Variants in CYP46A1 observed in about 807,000 individuals in gnomAD.
CYP46A1 encodes the protein cytochrome P450 family 46 subfamily A member 1, also known as cholesterol 24-hydroxylase.
In CYP46A1, 20 loss-of-function variants were observed where a neutral mutation model predicts 63.3. The observed-to-expected ratio is 0.32, with a 90% CI of 0.22 to 0.46. The LOEUF (loss-of-function observed/expected upper bound fraction) is 0.46. Among genes scored for constraint, CYP46A1 ranks in the 20% least tolerant of loss-of-function variants. The pLI is 1.00. For synonymous variants in CYP46A1, 268 were observed against 273.6 expected, an observed-to-expected ratio of 0.98 and a Z score of 0.20; for missense variants, 445 against 670.8, an observed-to-expected ratio of 0.66 and a Z score of 3.72.
chr14:99,701,232 G>C (rs982296372), intron 5 of CYP46A1, among the ~76,000 whole-genome samples: 3 of 152,128 alleles, frequency 2.0e-5, no homozygotes, highest in African/African-American at 7.2e-5. Flanking sequence ...TGTAGCCTGT[G>C]TCTGGTTTTT....
chr14:99,726,436 G>A, intron 14 of CYP46A1, 121 bp from the exon 15 acceptor site: 3 of 1,190,028 alleles, frequency 2.5e-6, no homozygotes, highest in Non-Finnish European at 3.5e-6. Flanking sequence ...CAAAACAGGA[G>A]GCTCCCCAGG....
chr14:99,716,682 T>A (rs544578275), intron 9 of CYP46A1, among the ~76,000 whole-genome samples: 2 of 152,328 alleles, frequency 1.3e-5, no homozygotes, highest in Admixed American at 1.3e-4. Flanking sequence ...CTGGGGCTCC[T>A]CCCCACCACC....
intron 7 of CYP46A1, among the ~76,000 whole-genome samples, chr14:99,714,955 A>G (rs1288472839): frequency 6.6e-6 from 1 of 152,096 alleles, no homozygotes; most frequent in Non-Finnish European, 1.5e-5. Flanking sequence ...AAAAAAGTTG[A>G]TCTCATGGAG....
intron 7 of CYP46A1, among the ~76,000 whole-genome samples, chr14:99,715,035 T>A (rs1014667686): frequency 7.9e-5 from 12 of 152,152 alleles, no homozygotes; most frequent in Non-Finnish European, 1.5e-4. Context: ...AGTTGGTTAA[T>A]GGGTACAAAC....
intron 10 of CYP46A1, 124 bp from the exon 11 acceptor site, chr14:99,721,115 G>A (rs2056842325): frequency 7.0e-6 from 5 of 709,714 alleles, no homozygotes; most frequent in South Asian, 6.5e-5. Context: ...AAGTAACAGT[G>A]TTTGTGAGTG....
At position 99,722,005 on chromosome 14, in the gene CYP46A1, G is replaced by A. The variant is rs766472276; in HGVS notation, c.1115G>A (p.Arg372His). The change falls in exon 12 of 15, where the codon CGC (arginine) becomes CAC (histidine). Residue 372 changes from arginine (R) to histidine (H), a missense_variant. Around this residue, in one of 4 missense-constraint regions of CYP46A1, gnomAD observed 95 missense variants for 156.9 expected, o/e 0.61. Transcript: ENST00000261835. This position sits in a 1 kb window ranked among gnomAD's most constrained non-coding sequence, Gnocchi z 4.6. ...TACCCACCAGCATGGGGCACCTTTC[G>A]CCTGCTGGAAGAGGAGACCTTGATT... The part of the protein sequence containing the change: ...RLYPPAWGTF[R>H]LLEEETLIDG... The A allele has an allele frequency of 1.9e-6, 3 of 1,613,640 alleles. No individual in the cohort carries two copies. The highest frequency in any genetic ancestry group is 2.5e-6 in the Non-Finnish European group (3 of 1,179,860).
intron 3 of CYP46A1, among the ~76,000 whole-genome samples, chr14:99,694,386 T>C (rs1336321680): frequency 1.3e-5 from 2 of 151,112 alleles, no homozygotes; most frequent in Non-Finnish European, 2.9e-5. Flanking sequence ...TTTTTTTTTT[T>C]CTTGATCAGT....
At chr14:99,707,471 C>G (rs1353087063) in intron 6 of CYP46A1, 97 bp from the exon 7 acceptor site, 1 of 905,964 alleles carries the variant, frequency 1.1e-6, no homozygotes, top group African/African-American at 1.7e-5. Context: ...ACCCTTAGCC[C>G]AGAGTCCAGG....
chr14:99,693,982 C>G (rs1305616785), intron 3 of CYP46A1, among the ~76,000 whole-genome samples: 2 of 152,142 alleles, frequency 1.3e-5, no homozygotes, highest in Non-Finnish European at 2.9e-5. Flanking sequence ...CAATAACTCC[C>G]CATTCCCCTC....
chr14:99,721,023 G>GA (rs1238597247), intron 10 of CYP46A1, among the ~76,000 whole-genome samples: 1 of 152,092 alleles, frequency 6.6e-6, no homozygotes, highest in Admixed American at 6.5e-5. Context: ...GGGGAGGGCG[G>GA]AGGTTGCAGT....
intron 5 of CYP46A1, among the ~76,000 whole-genome samples, chr14:99,702,261 CATGGTGTCATCT>C (rs2056638144): frequency 6.6e-6 from 1 of 152,130 alleles, no homozygotes; most frequent in South Asian, 2.1e-4. Flanking sequence ...AAGGCTCATC[CATGGTGTCATCT>C]ATATTAATGC....
rs746721057 is a variant in CYP46A1, at chr14:99,726,890, G to T, written c.*163G>T. On this transcript the variant is annotated 3_prime_UTR_variant, in exon 15 of 15. Coordinates refer to ENST00000261835, the MANE Select transcript of CYP46A1 (RefSeq NM_006668.2). ...GACCGCCTGCTTCACACCCCTCAGC[G>T]CTCCCTGTCGCCTGCGGACTCCATG... is the stretch of plus-strand genomic sequence containing the variant. The T allele has an allele frequency of 3.7e-6, 2 of 538,336 alleles. No individual in the cohort carries two copies. Among genetic ancestry groups the T allele is most frequent in the Non-Finnish European group, 6.2e-6 (2 of 321,510 alleles). The allele number at this position is 538,336 out of a possible 1,614,324, so 33.3% of individuals were successfully genotyped here.
Position 99,725,525 on chromosome 14 carries a change from G to A in CYP46A1, c.1265+46G>A, listed in dbSNP as rs1385287260. On this transcript the variant is annotated intron_variant, in intron 13 of 14. Coordinates refer to ENST00000261835, the MANE Select transcript of CYP46A1 (RefSeq NM_006668.2). This position sits in a 1 kb window ranked among gnomAD's most constrained non-coding sequence, Gnocchi z 4.2. ...CCCATGAGTGGGGCTGGCGGGAGAA[G>A]GACAGACACAGCGGCCTCTGGTCTG... The A allele has an allele frequency of 6.9e-7, 1 of 1,458,788 alleles. No homozygotes were observed. Among genetic ancestry groups the A allele is most frequent in the Non-Finnish European group, 9.6e-7 (1 of 1,038,860 alleles). The allele number at this position is 1,458,788 out of a possible 1,614,324, so 90.4% of individuals were successfully genotyped here.
At chr14:99,726,323 G>T in intron 14 of CYP46A1, 67 bp downstream of exon 14, 1 of 1,536,380 alleles carries the variant, frequency 6.5e-7, no homozygotes, top group Non-Finnish European at 8.9e-7. Context: ...TCCTGAGCCG[G>T]GAAGCATCTC....
rs1014968393 is a variant in CYP46A1 at position 99,726,589 on chromosome 14, G to A, written c.1365G>A (p.Leu455=). The A allele has an allele frequency of 1.9e-5, 30 of 1,592,642 alleles. No individual in the cohort carries two copies. The highest frequency in any genetic ancestry group is 2.6e-5 in the Non-Finnish European group (30 of 1,171,324). The change falls in exon 15 of 15, where the codon CTG becomes CTA. Residue 455 remains leucine (L), a synonymous_variant. Transcript: ENST00000261835. ...MEVKVVMAKL[L]QRLEFRLVPG... ...TGAAGGTGGTCATGGCAAAGCTGCT[G>A]CAGAGGCTGGAGTTCCGGCTGGTGC...
chr14:99,704,883 G>T (rs925019858), intron 5 of CYP46A1, among the ~76,000 whole-genome samples: 2 of 152,158 alleles, frequency 1.3e-5, no homozygotes, highest in Non-Finnish European at 2.9e-5. Flanking sequence ...TGGTTGTGGG[G>T]GATAGAGGGT....
intron 1 of CYP46A1, among the ~76,000 whole-genome samples, chr14:99,686,456 T>C (rs2056495254): frequency 6.6e-6 from 1 of 152,234 alleles, no homozygotes; most frequent in Admixed American, 6.5e-5. Flanking sequence ...CAGAACTGTT[T>C]TGTCACCCCA....
chr14:99,720,054 G>A lies in CYP46A1; in HGVS notation c.981-1185G>A, dbSNP rs966822447. Among the ~76,000 whole-genome samples the A allele has an allele frequency of 8.6e-5, 13 of 151,146 alleles. 1 individual carries two copies. In the South Asian group the frequency reaches 1.5e-3, roughly 17 times the overall value. ...TGGGATTACAGGCATGAGCCACCGT[G>A]CCCGGCAGAACTCCCTTCCTTTTTA... On this transcript the variant is annotated intron_variant, in intron 10 of 14. Coordinates refer to ENST00000261835, the MANE Select transcript of CYP46A1 (RefSeq NM_006668.2).
chr14:99,716,335 G>C (rs2056790397), intron 9 of CYP46A1, 136 bp downstream of exon 9: 1 of 816,854 alleles, frequency 1.2e-6, no homozygotes, highest in African/African-American at 1.7e-5. Flanking sequence ...GGGCTGGGCT[G>C]AAGGGAGCAG....
Sources: gnomAD v4.1 joint callset for allele counts (sites outside exome capture counted in the v4.1 genomes callset) on GRCh38, gnomAD v4.1.1 for gene constraint, gnomAD v4.1.1 regional missense constraint, Gnocchi (gnomAD v3.1) non-coding constraint, MANE v1.5 for transcripts, NCBI Gene and HGNC (gene_info 2026-07-23, HGNC 2026-07-21) for gene names.